The following ADAM23 variants were observed in gnomAD, a reference collection of about 807,000 sequenced individuals.
The protein encoded by ADAM23 is disintegrin and metalloproteinase domain-containing protein 23.
In ADAM23, 33 loss-of-function variants were observed where a neutral mutation model predicts 120.1. The ratio of observed to expected loss-of-function variants is 0.27; its 90% CI spans 0.21 to 0.37. ADAM23 has a LOEUF of 0.37. ADAM23 is among the 10% of genes least tolerant of loss of function. The pLI, the probability that ADAM23 is intolerant of heterozygous loss-of-function variation, is 1.00. For missense variants in ADAM23, 862 were observed against 1,058.2 expected (o/e 0.81, Z 2.57); for synonymous variants, 367 against 375.2 (o/e 0.98, Z 0.25).
chr2:206,559,870 T>C, intron 10 of ADAM23, 85 bp from the exon 11 acceptor site: 1 of 1,246,482 alleles, frequency 8.0e-7, no homozygotes, highest in Middle Eastern at 2.5e-4. Context: ...TCCCCCTTCC[T>C]GTCCTTCCAC....
chr2:206,616,902 G>A (rs1430165464), intron 25 of ADAM23, among the ~76,000 whole-genome samples: 1 of 152,162 alleles, frequency 6.6e-6, no homozygotes. Context: ...ACTGGACACT[G>A]TGAGCAAAGC....
chr2:206,491,591 C>T (rs2105886030), intron 3 of ADAM23, among the ~76,000 whole-genome samples: 1 of 152,118 alleles, frequency 6.6e-6, no homozygotes, highest in South Asian at 2.1e-4. Flanking sequence ...AAGACAAAGA[C>T]AAATAATGTA....
intron 24 of ADAM23, among the ~76,000 whole-genome samples, chr2:206,602,842 G>T (rs1698664784): frequency 6.6e-6 from 1 of 152,104 alleles, no homozygotes; most frequent in Admixed American, 6.5e-5. Context: ...AACCTAGGTA[G>T]CAGGGACCAA....
At chr2:206,474,674 A>G (rs2105871898) in intron 2 of ADAM23, among the ~76,000 whole-genome samples, 1 of 152,244 alleles carries the variant, frequency 6.6e-6, no homozygotes, top group Admixed American at 6.5e-5. Flanking sequence ...ACCTGGGCTC[A>G]GGTGATTCTC....
chr2:206,562,867 G>A (rs1159095055), intron 13 of ADAM23, among the ~76,000 whole-genome samples: 1 of 152,204 alleles, frequency 6.6e-6, no homozygotes, highest in African/African-American at 2.4e-5. Flanking sequence ...AGAACCAATA[G>A]GGCCACACAT....
chr2:206,601,297 A>T (rs1236246090), intron 24 of ADAM23, among the ~76,000 whole-genome samples: 1 of 152,228 alleles, frequency 6.6e-6, no homozygotes, highest in Non-Finnish European at 1.5e-5. Context: ...AACCACACTC[A>T]TCAAATCAGA....
intron 3 of ADAM23, among the ~76,000 whole-genome samples, chr2:206,516,166 C>G (rs571463959): frequency 1.2e-3 from 185 of 151,354 alleles, no homozygotes; most frequent in African/African-American, 4.0e-3. Context: ...CACGTTCCCC[C>G]ACCCCAACTC....
chr2:206,449,206 G>A (rs1431946951), intron 2 of ADAM23, among the ~76,000 whole-genome samples: 2 of 152,050 alleles, frequency 1.3e-5, no homozygotes, highest in Non-Finnish European at 2.9e-5. Flanking sequence ...GACTAGAGAA[G>A]GAAAAAACAT....
intron 15 of ADAM23, 74 bp from the exon 16 acceptor site, chr2:206,570,666 A>G (rs1451870628): frequency 1.8e-6 from 2 of 1,142,152 alleles, no homozygotes; most frequent in African/African-American, 3.1e-5. Context: ...CGGCCATTGT[A>G]TGTGGCCCAG....
At chr2:206,610,430 A>G (rs550346443) in intron 25 of ADAM23, among the ~76,000 whole-genome samples, 1 of 152,358 alleles carries the variant, frequency 6.6e-6, no homozygotes, top group South Asian at 2.1e-4. Context: ...TGCAATCATT[A>G]CTTGTATTTT....
intron 2 of ADAM23, among the ~76,000 whole-genome samples, chr2:206,455,845 C>G (rs1313977278): frequency 6.6e-6 from 1 of 152,174 alleles, no homozygotes; most frequent in African/African-American, 2.4e-5. Flanking sequence ...TTCAGATCAC[C>G]TCAGCCTGGA....
Position 206,470,256 on chromosome 2 carries a change from A to G in ADAM23, c.433-10976A>G, listed in dbSNP as rs372576145. Reference sequence around the variant, plus strand: ...CTCAGATACATAATAGACATATTCTATTTTTATTTCTATATGTCTTCAAGG... The same window carrying G: ...CTCAGATACATAATAGACATATTCTGTTTTTATTTCTATATGTCTTCAAGG... On this transcript the variant is annotated intron_variant, in intron 2 of 25. Transcript: ENST00000264377. Among the ~76,000 whole-genome samples, 39 of 152,218 alleles carry G rather than the reference A, an allele frequency of 2.6e-4. No homozygotes were observed. In the South Asian group the frequency reaches 6.0e-3, roughly 23 times the overall value.
At chr2:206,471,045 C>A (rs1461026626) in intron 2 of ADAM23, among the ~76,000 whole-genome samples, 1 of 152,144 alleles carries the variant, frequency 6.6e-6, no homozygotes, top group Non-Finnish European at 1.5e-5. Context: ...CAACATAAAT[C>A]ACTGGGTAGA....
intron 3 of ADAM23, among the ~76,000 whole-genome samples, chr2:206,515,448 T>C (rs1427392613): frequency 2.0e-5 from 3 of 152,188 alleles, no homozygotes; most frequent in African/African-American, 7.2e-5. Flanking sequence ...ATTTGCTCCA[T>C]GTTGCACCAC....
chr2:206,578,971 T>C (rs1319716543), intron 18 of ADAM23, among the ~76,000 whole-genome samples: 1 of 152,188 alleles, frequency 6.6e-6, no homozygotes, highest in Non-Finnish European at 1.5e-5. Flanking sequence ...TGATTTTGAT[T>C]TGCATTTCCC....
At position 206,445,451 on chromosome 2, in the gene ADAM23, A is replaced by G. The variant is rs1477908685; in HGVS notation, c.359A>G (p.Tyr120Cys). 7 of 1,614,210 alleles carry G rather than the reference A, an allele frequency of 4.3e-6. No homozygotes were observed. The highest frequency in any genetic ancestry group is 5.1e-6 in the Non-Finnish European group (6 of 1,180,022). Reference sequence around the variant, plus strand: ...ACACTGCCTTCAAGACTCATATATTACATCAACCAAGACTCGGAAAGCCCT... The same window carrying G: ...ACACTGCCTTCAAGACTCATATATTGCATCAACCAAGACTCGGAAAGCCCT... ...EITLPSRLIYYINQDSESPYH... is the reference protein window; with the variant it reads ...EITLPSRLIYCINQDSESPYH... The change falls in exon 2 of 26, where the codon TAC becomes TGC. Residue 120 changes from tyrosine (Y) to cysteine (C), a missense_variant. By Grantham distance (194) the Tyr-to-Cys change is radical. Around this residue, in one of 4 missense-constraint regions of ADAM23, gnomAD observed 225 missense variants for 204.0 expected, o/e 1.10. Coordinates refer to ENST00000264377, the MANE Select transcript of ADAM23 (RefSeq NM_003812.4).
Position 206,604,432 on chromosome 2 carries a change from G to A in ADAM23, c.2360-5478G>A, listed in dbSNP as rs188048080. On this transcript the variant is annotated intron_variant, in intron 24 of 25. Transcript: ENST00000264377. The stretch of plus-strand genomic sequence containing the variant: ...TAACTTGAAAATCGGAGTAGTTCAG[G>A]TGGTTTTGAGTTCTAATGTATTGTC... Among the ~76,000 whole-genome samples, 144 of 152,106 alleles carry A rather than the reference G, an allele frequency of 9.5e-4. 1 individual carries two copies. Among genetic ancestry groups the A allele is most frequent in the African/African-American group, 2.9e-3 (121 of 41,478 alleles).
At position 206,620,160 on chromosome 2, in the gene ADAM23, A is replaced by C. The variant is rs1251806756; in HGVS notation, c.*2533A>C. On this transcript the variant is annotated 3_prime_UTR_variant, in exon 26 of 26. Coordinates refer to ENST00000264377, the MANE Select transcript of ADAM23 (RefSeq NM_003812.4). ...ACAAAATCATGTTGGTTACAAAACA[A>C]ATTAAATCTCTATTGTTAACTTTTA... 6.6e-6 allele frequency: 1 copy of C among 152,196 alleles called. No homozygotes were observed. The highest frequency in any genetic ancestry group is 1.9e-4 in the East Asian group (1 of 5,194). 9.4% of individuals were successfully genotyped at this position (152,196 alleles called of 1,614,324 possible).
intron 9 of ADAM23, among the ~76,000 whole-genome samples, chr2:206,551,208 A>G (rs571960027): frequency 3.0e-4 from 45 of 152,182 alleles, no homozygotes; most frequent in Admixed American, 6.5e-4. Flanking sequence ...ATGTTTGCTG[A>G]TATCTGTGGT....
Sources: gnomAD v4.1 joint callset for allele counts (sites outside exome capture counted in the v4.1 genomes callset) on GRCh38, gnomAD v4.1.1 for gene constraint, gnomAD v4.1.1 regional missense constraint, MANE v1.5 for transcripts, NCBI Gene and HGNC (gene_info 2026-07-23, HGNC 2026-07-21) for gene names.